The following ARFGEF2 variants were observed in gnomAD, a reference collection of about 807,000 sequenced individuals.
ARFGEF2 encodes the protein brefeldin A-inhibited guanine nucleotide-exchange protein 2.
In ARFGEF2, 74 loss-of-function variants were observed where a neutral mutation model predicts 219.9. That is an observed-to-expected ratio of 0.34 (90% CI 0.28 to 0.41). The LOEUF (loss-of-function observed/expected upper bound fraction) is 0.41. ARFGEF2 is among the 10% of genes least tolerant of loss of function. The probability of loss-of-function intolerance (pLI) is 1.00; values close to 1 mark genes in which losing one functional copy is unlikely to be tolerated. For missense variants in ARFGEF2, 1,743 were observed against 2,218.3 expected, an observed-to-expected ratio of 0.79 and a Z score of 4.30; for synonymous variants, 733 against 799.2, an observed-to-expected ratio of 0.92 and a Z score of 1.40.
intron 25 of ARFGEF2, among the ~76,000 whole-genome samples, chr20:49,000,093 T>C (rs2091416424): frequency 6.6e-6 from 1 of 152,204 alleles, no homozygotes; most frequent in South Asian, 2.1e-4. Context: ...AGCAATATGA[T>C]GTAACTAGGG....
intron 6 of ARFGEF2, among the ~76,000 whole-genome samples, chr20:48,961,570 G>C (rs2091151894): frequency 6.6e-6 from 1 of 151,500 alleles, no homozygotes; most frequent in African/African-American, 2.4e-5. Flanking sequence ...TGACAATAAA[G>C]AGTATAGTAT....
intron 14 of ARFGEF2, among the ~76,000 whole-genome samples, chr20:48,982,159 G>T (rs748093348): frequency 6.6e-6 from 1 of 152,144 alleles, no homozygotes; most frequent in Non-Finnish European, 1.5e-5. Flanking sequence ...ACCTACAGAT[G>T]GGGTTTTGGT....
At chr20:49,005,767 A>G (rs1392215904) in intron 26 of ARFGEF2, among the ~76,000 whole-genome samples, 1 of 151,396 alleles carries the variant, frequency 6.6e-6, no homozygotes, top group Admixed American at 6.6e-5. Flanking sequence ...AAGAAAAGAA[A>G]TATGTCATGA....
chr20:49,029,694 C>G (rs1404174267), intron 37 of ARFGEF2, among the ~76,000 whole-genome samples: 3 of 151,418 alleles, frequency 2.0e-5, no homozygotes, highest in African/African-American at 7.3e-5. Flanking sequence ...TGGGTTCAAC[C>G]AATTCTCCTG....
chr20:49,005,003 G>C, intron 25 of ARFGEF2, 67 bp from the exon 26 acceptor site: 1 of 1,583,174 alleles, frequency 6.3e-7, no homozygotes, highest in Non-Finnish European at 8.7e-7. Context: ...CATCTTTGCT[G>C]TTGAGAGACC....
chr20:48,961,092 A>G (rs2091147387), intron 6 of ARFGEF2, among the ~76,000 whole-genome samples: 2 of 148,336 alleles, frequency 1.3e-5, no homozygotes, highest in Admixed American at 6.8e-5. Flanking sequence ...ATATAATAAT[A>G]ATAATAATAA....
At chr20:48,953,900 TTA>T in intron 6 of ARFGEF2, 110 bp downstream of exon 6, 1 of 1,102,778 alleles carries the variant, frequency 9.1e-7, no homozygotes, top group East Asian at 2.6e-5. Flanking sequence ...TGATAACAGC[TTA>T]TCTCTTTCTG....
At chr20:48,950,107 C>T (rs2091056043) in intron 3 of ARFGEF2, among the ~76,000 whole-genome samples, 1 of 152,142 alleles carries the variant, frequency 6.6e-6, no homozygotes, top group Admixed American at 6.5e-5. Flanking sequence ...CTTTGAGGTT[C>T]CTTCCAGCTC....
At chr20:49,013,316 C>G (rs1372636866) in intron 28 of ARFGEF2, among the ~76,000 whole-genome samples, 2 of 151,038 alleles carry the variant, frequency 1.3e-5, no homozygotes, top group Non-Finnish European at 2.9e-5. Context: ...ACCCCCAGGA[C>G]TCTTGTGATC....
intron 14 of ARFGEF2, among the ~76,000 whole-genome samples, chr20:48,983,368 G>T (rs1427272607): frequency 6.6e-6 from 1 of 152,134 alleles, no homozygotes; most frequent in Non-Finnish European, 1.5e-5. Flanking sequence ...AACTTAGTAA[G>T]TTCAACTTAA....
At position 48,973,204 on chromosome 20, in the gene ARFGEF2, A is replaced by G. The variant is rs770424682; in HGVS notation, c.1585A>G (p.Ile529Val). 10 of 1,614,094 alleles carry G rather than the reference A, an allele frequency of 6.2e-6. No individual in the cohort carries two copies. In the East Asian group the frequency reaches 1.8e-4, roughly 29 times the overall value. The change falls in exon 12 of 39, where the codon ATT becomes GTT. Residue 529 changes from isoleucine (I) to valine (V), a missense_variant. This residue lies in a region of ARFGEF2 where 666 missense variants were observed against 955.4 expected (regional missense o/e 0.70). Transcript: ENST00000371917. Reference sequence around the variant, plus strand: ...CGACTGTGATTTAAATGCTGCTAACATTTTTGAGCGCCTTGTAAATGATTT... The same window carrying G: ...CGACTGTGATTTAAATGCTGCTAACGTTTTTGAGCGCCTTGTAAATGATTT... ...NYDCDLNAAN[I>V]FERLVNDLSK...
intron 3 of ARFGEF2, 90 bp from the exon 4 acceptor site, chr20:48,951,233 A>G (rs1273080033): frequency 1.3e-6 from 2 of 1,501,688 alleles, no homozygotes; most frequent in African/African-American, 1.4e-5. Context: ...AGGAACTGGA[A>G]GTGCCTGTCT....
chr20:49,000,182 A>G (rs540209152), intron 25 of ARFGEF2, among the ~76,000 whole-genome samples: 1 of 152,236 alleles, frequency 6.6e-6, no homozygotes, highest in Non-Finnish European at 1.5e-5. Context: ...GCATTGTCAT[A>G]TGTAGGCTTG....
chr20:48,965,922 C>A lies in ARFGEF2; in HGVS notation c.958C>A (p.Leu320Met). ...LTEPERVLGELECQECAIPPG... is the reference protein window; with the variant it reads ...LTEPERVLGEMECQECAIPPG... ...AGAACCTGAGAGAGTTCTAGGTGAA[C>A]TGGAGTGCCAGGAATGTGCTATTCC... The change falls in exon 8 of 39, where the codon CTG becomes ATG. Residue 320 changes from leucine (L) to methionine (M), a missense_variant. Leu to Met is a conservative substitution (Grantham distance 15, BLOSUM62 2). Transcript: ENST00000371917. 6.2e-7 allele frequency: 1 copy of A among 1,614,200 alleles called. No homozygotes were observed. The highest frequency in any genetic ancestry group is 1.3e-5 in the African/African-American group (1 of 75,054).
chr20:48,937,365 C>A (rs1335758102), intron 1 of ARFGEF2, among the ~76,000 whole-genome samples: 1 of 152,212 alleles, frequency 6.6e-6, no homozygotes, highest in Non-Finnish European at 1.5e-5. Flanking sequence ...TGGGCCCCTA[C>A]TGGGCCTAGT....
chr20:49,008,447 C>T (rs988000623), intron 26 of ARFGEF2, among the ~76,000 whole-genome samples: 1 of 151,818 alleles, frequency 6.6e-6, no homozygotes, highest in Admixed American at 6.6e-5. Context: ...CCTGTAGTCC[C>T]AGCTACTCAG....
intron 26 of ARFGEF2, among the ~76,000 whole-genome samples, chr20:49,008,853 G>A (rs1164374028): frequency 1.3e-5 from 2 of 151,740 alleles, no homozygotes; most frequent in Admixed American, 6.6e-5. Flanking sequence ...AATCACAGGC[G>A]TGCATCACTA....
In ARFGEF2 at chr20:49,028,630, C is replaced by T. The variant is rs1389193226; in HGVS notation, c.5025C>T (p.Arg1675=). The T allele has an allele frequency of 1.9e-6, 3 of 1,614,148 alleles. No homozygotes were observed. The highest frequency in any genetic ancestry group is 1.1e-5 in the South Asian group (1 of 91,090). ...TTCGAATGTATGTTGATGAGAACCG[C>T]AGGGATTCCTGGGAAGAAATACAGC... is the stretch of plus-strand genomic sequence containing the variant. The part of the protein sequence containing the change: ...ILFRMYVDEN[R]RDSWEEIQQR... The change falls in exon 37 of 39, where the codon CGC becomes CGT. Residue 1675 remains arginine (R), a synonymous_variant. Transcript: ENST00000371917.
At chr20:48,985,695 C>G in intron 16 of ARFGEF2, 82 bp downstream of exon 16, 1 of 1,405,690 alleles carries the variant, frequency 7.1e-7, no homozygotes, top group Admixed American at 1.9e-5. Flanking sequence ...GGGGTTTAAT[C>G]TTTGTATATC....
Sources: allele counts gnomAD v4.1 joint callset (sites outside exome capture counted in the v4.1 genomes callset), GRCh38; gene constraint gnomAD v4.1.1; regional missense constraint gnomAD v4.1.1; transcripts MANE v1.5; gene names NCBI Gene and HGNC (gene_info 2026-07-23, HGNC 2026-07-21).